The following NDOR1 variants were observed in gnomAD, a reference collection of about 807,000 sequenced individuals.
NDOR1 encodes NADPH dependent diflavin oxidoreductase 1, also known as NADPH-dependent diflavin oxidoreductase 1.
Under a neutral mutation model 67.2 loss-of-function variants are expected in NDOR1, and 61 were observed. The ratio of observed to expected loss-of-function variants is 0.91; its 90% CI spans 0.74 to 1.12. The LOEUF (loss-of-function observed/expected upper bound fraction) is 1.12. Among genes scored for constraint, NDOR1 ranks in the 50% most tolerant of loss-of-function variants. The probability of loss-of-function intolerance (pLI) is 0.00; values close to 1 mark genes in which losing one functional copy is unlikely to be tolerated. For missense variants in NDOR1, 878 were observed against 802.8 expected (o/e 1.09, Z -1.13); for synonymous variants, 378 against 343.7 (o/e 1.10, Z -1.10).
At position 137,214,432 on chromosome 9, in the gene NDOR1, C is replaced by T. The variant is rs569376463; in HGVS notation, c.722+19C>T. 391 of 1,608,256 alleles carry T rather than the reference C, an allele frequency of 2.4e-4. No homozygotes were observed. Among genetic ancestry groups the T allele is most frequent in the Non-Finnish European group, 3.2e-4 (383 of 1,178,640 alleles). On this transcript the variant is annotated intron_variant, in intron 6 of 13. Transcript: ENST00000684003. ...GCATCAGGTGGGGACTGCTGGGGAC[C>T]GAGGAGGGCAAGGTGAGGTGGGCCG...
chr9:137,212,682 C>A lies in NDOR1; in HGVS notation c.311+83C>A. The A allele has an allele frequency of 7.5e-7, 1 of 1,338,242 alleles. No homozygotes were observed. Among genetic ancestry groups the A allele is most frequent in the Non-Finnish European group, 1.1e-6 (1 of 933,078 alleles). 82.9% of individuals were successfully genotyped at this position (1,338,242 alleles called of 1,614,324 possible). A position where few individuals can be genotyped will look rare whatever the true frequency, so the allele number is the denominator to read the frequency against. ...TGTGCTGGCAGAGGACCGAGACCAG[C>A]TTCCAGGGTCGGCCCCTGCGCGCCT... On this transcript the variant is annotated intron_variant, in intron 3 of 13. Transcript: ENST00000684003. The surrounding 1 kb of genome is among the most constrained non-coding windows in gnomAD (Gnocchi z 4.3).
rs1175104207 is a variant in NDOR1 at position 137,214,161 on chromosome 9, C to T, written c.513-43C>T. The T allele has an allele frequency of 1.6e-5, 25 of 1,569,778 alleles. No homozygotes were observed. In the East Asian group the frequency reaches 5.6e-4, roughly 35 times the overall value. Reference sequence around the variant, plus strand: ...GTCCCTCCCGTGTGGGTGGGCGGCCCCTGGGGAGTGGGTCCTGGTCTGACC... The same window carrying T: ...GTCCCTCCCGTGTGGGTGGGCGGCCTCTGGGGAGTGGGTCCTGGTCTGACC... On this transcript the variant is annotated intron_variant, in intron 5 of 13. Transcript: ENST00000684003.
intron 2 of NDOR1, among the ~76,000 whole-genome samples, chr9:137,206,692 C>G (rs922222964): frequency 6.6e-6 from 1 of 152,198 alleles, no homozygotes; most frequent in South Asian, 2.1e-4. Context: ...GTGAACCCAG[C>G]AGCCATATTT....
rs948650727 is a variant in NDOR1 at position 137,216,503 on chromosome 9, G to A, written c.*87G>A. 8.3e-5 allele frequency: 124 copies of A among 1,497,000 alleles called. No individual in the cohort carries two copies. The Admixed American group carries it at 2.2e-3, about 26-fold the overall frequency. The allele number at this position is 1,497,000 out of a possible 1,614,324, so 92.7% of individuals were successfully genotyped here. ...ACGAGGGAGCTCCTGGCCAGCAGCC[G>A]TCATCCTCTCGGACCAGCCAGCTGG... On this transcript the variant is annotated 3_prime_UTR_variant, in exon 14 of 14. Coordinates refer to ENST00000684003, the MANE Select transcript of NDOR1 (RefSeq NM_014434.4).
chr9:137,213,978 C>T lies in NDOR1; in HGVS notation c.422C>T (p.Ala141Val), dbSNP rs760378842. Reference sequence around the variant, plus strand: ...GTGCTCCCTCCCAGGCCCGACGCTGCTGTGGACCCCTGGCTGCGAGACTTG... The same window carrying T: ...GTGCTCCCTCCCAGGCCCGACGCTGTTGTGGACCCCTGGCTGCGAGACTTG... Reference protein sequence around the residue: ...DDQHELGPDAAVDPWLRDLWD... With the variant: ...DDQHELGPDAVVDPWLRDLWD... The change falls in exon 5 of 14, where the codon GCT becomes GTT. Residue 141 changes from alanine (A) to valine (V), a missense_variant. Ala to Val is a moderately conservative substitution (Grantham distance 64). Coordinates refer to ENST00000684003, the MANE Select transcript of NDOR1 (RefSeq NM_014434.4). 6.4e-7 allele frequency: 1 copy of T among 1,558,348 alleles called. No individual in the cohort carries two copies. Among genetic ancestry groups the T allele is most frequent in the Non-Finnish European group, 8.7e-7 (1 of 1,152,534 alleles).
intron 2 of NDOR1, among the ~76,000 whole-genome samples, chr9:137,210,224 T>C (rs1385966294): frequency 6.6e-6 from 1 of 152,146 alleles, no homozygotes; most frequent in Non-Finnish European, 1.5e-5. Context: ...CTTTCTCTTT[T>C]TCTTTTTCTT....
chr9:137,213,639 C>G, intron 3 of NDOR1, 141 bp from the exon 4 acceptor site: 2 of 826,996 alleles, frequency 2.4e-6, no homozygotes. Flanking sequence ...GTGCGGCCAG[C>G]GTGGAGTGTG....
chr9:137,210,386 C>T (rs1264097318), intron 2 of NDOR1, among the ~76,000 whole-genome samples: 3 of 149,566 alleles, frequency 2.0e-5, no homozygotes, highest in Non-Finnish European at 4.4e-5. Context: ...CCACATGCAA[C>T]TAATTTTTTT....
rs573950141 is a variant in NDOR1, at chr9:137,209,241, G to A, written c.213+2932G>A. Among the ~76,000 whole-genome samples, 9 of 152,316 alleles carry A rather than the reference G, an allele frequency of 5.9e-5. No individual in the cohort carries two copies. In the South Asian group the frequency reaches 1.9e-3, roughly 32 times the overall value. The stretch of plus-strand genomic sequence containing the variant: ...ACAGGAGAAAGAGGCTGAAGACTGA[G>A]TAGGTATGGCAGGGGATGTGCAGCG... On this transcript the variant is annotated intron_variant, in intron 2 of 13. Coordinates refer to ENST00000684003, the MANE Select transcript of NDOR1 (RefSeq NM_014434.4).
intron 2 of NDOR1, among the ~76,000 whole-genome samples, chr9:137,211,057 C>T (rs568532308): frequency 1.3e-5 from 2 of 152,362 alleles, no homozygotes; most frequent in African/African-American, 4.8e-5. Flanking sequence ...AGGAGAATCA[C>T]TTGAACCTGG....
In NDOR1 at chr9:137,213,970, C is replaced by T. The variant is rs142202499; in HGVS notation, c.414C>T (p.Pro138=). 334 of 1,561,232 alleles carry T rather than the reference C, an allele frequency of 2.1e-4. 1 individual carries two copies. The highest frequency in any genetic ancestry group is 1.4e-3 in the South Asian group (120 of 85,404). ...CAGCGCACGTGCTCCCTCCCAGGCCCGACGCTGCTGTGGACCCCTGGCTGC... is the reference window on the plus strand; with the variant it reads ...CAGCGCACGTGCTCCCTCCCAGGCCTGACGCTGCTGTGGACCCCTGGCTGC... ...CLGDDQHELG[P]DAAVDPWLRD... is the part of the protein sequence containing the mutation. The change falls in exon 5 of 14, where the codon CCC becomes CCT. Residue 138 remains proline (P), a synonymous_variant. Transcript: ENST00000684003.
Position 137,218,842 on chromosome 9 carries a change from A to G in NDOR1, c.*2426A>G. On this transcript the variant is annotated 3_prime_UTR_variant, in exon 14 of 14. Coordinates refer to ENST00000684003, the MANE Select transcript of NDOR1 (RefSeq NM_014434.4). Reference sequence around the variant, plus strand: ...CCAGACACTAGCTGAACCCAAGGACACCAGCGCCCAAGGACAGCTCCTGGA... The same window carrying G: ...CCAGACACTAGCTGAACCCAAGGACGCCAGCGCCCAAGGACAGCTCCTGGA... The G allele has an allele frequency of 2.6e-6, 1 of 390,406 alleles. No individual in the cohort carries two copies. Among genetic ancestry groups the G allele is most frequent in the Non-Finnish European group, 4.5e-6 (1 of 221,376 alleles). 24.2% of individuals were successfully genotyped at this position (390,406 alleles called of 1,614,324 possible).
Position 137,212,368 on chromosome 9 carries a change from G to A in NDOR1, c.214-134G>A. 4.1e-6 allele frequency: 3 copies of A among 733,870 alleles called. 1 individual carries two copies. In the South Asian group the frequency reaches 4.9e-5, roughly 12 times the overall value. The allele number at this position is 733,870 out of a possible 1,614,324, so 45.5% of individuals were successfully genotyped here. On this transcript the variant is annotated intron_variant, in intron 2 of 13. Coordinates refer to ENST00000684003, the MANE Select transcript of NDOR1 (RefSeq NM_014434.4). This position sits in a 1 kb window ranked among gnomAD's most constrained non-coding sequence, Gnocchi z 4.3. ...AGGCTGGACCTGGGCCCTGCCTTTT[G>A]GTCAGATAGGTCCAGTTGTATTCTG...
chr9:137,212,713 C>A lies in NDOR1; in HGVS notation c.311+114C>A, dbSNP rs1444704315. 1 of 932,756 alleles carries A rather than the reference C, an allele frequency of 1.1e-6. No homozygotes were observed. The highest frequency in any genetic ancestry group is 1.7e-6 in the Non-Finnish European group (1 of 582,800). The allele number at this position is 932,756 out of a possible 1,614,324, so 57.8% of individuals were successfully genotyped here. A position where few individuals can be genotyped will look rare whatever the true frequency, so the allele number is the denominator to read the frequency against. Reference sequence around the variant, plus strand: ...GGGTCGGCCCCTGCGCGCCTCAGGGCCCTCGCAGTGGTACTGGCTTCTCCA... The same window carrying A: ...GGGTCGGCCCCTGCGCGCCTCAGGGACCTCGCAGTGGTACTGGCTTCTCCA... On this transcript the variant is annotated intron_variant, in intron 3 of 13. Coordinates refer to ENST00000684003, the MANE Select transcript of NDOR1 (RefSeq NM_014434.4). The surrounding 1 kb of genome is among the most constrained non-coding windows in gnomAD (Gnocchi z 4.3).
In NDOR1 at chr9:137,216,188, G is replaced by C; in HGVS notation, c.1649G>C (p.Gly550Ala). 6.2e-7 allele frequency: 1 copy of C among 1,613,420 alleles called. No homozygotes were observed. Among genetic ancestry groups the C allele is most frequent in the African/African-American group, 1.3e-5 (1 of 75,048 alleles). ...CAGGGTGCATACTTCTACCTGGCAG[G>C]GTGAGCTGGCCTGCGTGCAGCAGGA... ...DRQGAYFYLA[G>A]NAKSMPADVS... is the part of the protein sequence containing the mutation. Residue 550 changes from glycine (G) to alanine (A), a missense_variant and splice_region_variant, in exon 13 of 14, where the codon GGC becomes GCC. Transcript: ENST00000684003.
In NDOR1 at chr9:137,216,026, G is replaced by C. The variant is rs368759210; in HGVS notation, c.1554+9G>C. 5.0e-6 allele frequency: 8 copies of C among 1,613,546 alleles called. No homozygotes were observed. In the South Asian group the frequency reaches 7.7e-5, roughly 15 times the overall value. On this transcript the variant is annotated intron_variant, in intron 12 of 13. Coordinates refer to ENST00000684003, the MANE Select transcript of NDOR1 (RefSeq NM_014434.4). ...CCTTCTCCCGGGAACAGGTGTGTAT[G>C]CTCAGGGGCTGGGAAAGGAGGGGAG... is the stretch of plus-strand genomic sequence containing the variant.
chr9:137,212,734 C>T lies in NDOR1; in HGVS notation c.311+135C>T. The T allele has an allele frequency of 1.4e-6, 1 of 737,916 alleles. No individual in the cohort carries two copies. The highest frequency in any genetic ancestry group is 2.3e-6 in the Non-Finnish European group (1 of 431,254). 45.7% of individuals were successfully genotyped at this position (737,916 alleles called of 1,614,324 possible). A position where few individuals can be genotyped will look rare whatever the true frequency, so the allele number is the denominator to read the frequency against. On this transcript the variant is annotated intron_variant, in intron 3 of 13. Coordinates refer to ENST00000684003, the MANE Select transcript of NDOR1 (RefSeq NM_014434.4). This position sits in a 1 kb window ranked among gnomAD's most constrained non-coding sequence, Gnocchi z 4.3. ...AGGGCCCTCGCAGTGGTACTGGCTT[C>T]TCCACAACGCTCCCTGGTGGGCACC...
chr9:137,208,154 A>AG (rs1564392617), intron 2 of NDOR1, among the ~76,000 whole-genome samples: 1 of 149,346 alleles, frequency 6.7e-6, no homozygotes, highest in Non-Finnish European at 1.5e-5. Context: ...AAAAAAAAAA[A>AG]AAAAAAGAAA....
intron 1 of NDOR1, 107 bp from the exon 2 acceptor site, chr9:137,206,125 A>C (rs920793977): frequency 1.3e-6 from 2 of 1,491,680 alleles, no homozygotes; most frequent in Non-Finnish European, 1.9e-6. Flanking sequence ...GCTCACATAA[A>C]TCCCTCTGCC....
Sources: gnomAD v4.1 joint callset for allele counts (sites outside exome capture counted in the v4.1 genomes callset) on GRCh38, gnomAD v4.1.1 for gene constraint, Gnocchi (gnomAD v3.1) non-coding constraint, MANE v1.5 for transcripts, NCBI Gene and HGNC (gene_info 2026-07-23, HGNC 2026-07-21) for gene names.